The following HIVEP3 variants were observed in gnomAD, a reference collection of about 807,000 sequenced individuals.
HIVEP3 encodes transcription factor HIVEP3.
In HIVEP3, 49 loss-of-function variants were observed where a neutral mutation model predicts 152.8. That is an observed-to-expected ratio of 0.32 (90% CI 0.26 to 0.41). The LOEUF (loss-of-function observed/expected upper bound fraction) is 0.41. Ranked by LOEUF, HIVEP3 falls within the 10% of genes least tolerant of loss-of-function variation. The pLI, the probability that HIVEP3 is intolerant of heterozygous loss-of-function variation, is 1.00. For missense variants in HIVEP3, 2,790 were observed against 3,103.3 expected (o/e 0.90, Z 2.40); for synonymous variants, 1,269 against 1,289.0 (o/e 0.98, Z 0.33).
intron 2 of HIVEP3, among the ~76,000 whole-genome samples, chr1:41,659,296 C>A (rs750498775): frequency 6.6e-6 from 1 of 152,204 alleles, no homozygotes; most frequent in African/African-American, 2.4e-5. Flanking sequence ...TGGGCCCCCA[C>A]GTGTAGCTTC....
intron 1 of HIVEP3, among the ~76,000 whole-genome samples, chr1:41,937,216 A>AAT (rs1292306797): frequency 6.6e-6 from 1 of 152,184 alleles, no homozygotes; most frequent in East Asian, 1.9e-4. Context: ...GGCCAAAAAT[A>AAT]ATAAATATAT....
At chr1:41,670,959 T>C (rs894889439) in intron 2 of HIVEP3, among the ~76,000 whole-genome samples, 4 of 152,248 alleles carry the variant, frequency 2.6e-5, no homozygotes, top group African/African-American at 9.6e-5. Context: ...AGGCAGATAA[T>C]AGGAGAGCCA....
chr1:41,767,205 C>T (rs1163481260), intron 1 of HIVEP3, among the ~76,000 whole-genome samples: 1 of 152,200 alleles, frequency 6.6e-6, no homozygotes, highest in African/African-American at 2.4e-5. Context: ...GGACTCCTCC[C>T]TCTGGGCCCC....
intron 1 of HIVEP3, among the ~76,000 whole-genome samples, chr1:41,713,421 A>G (rs1361797432): frequency 6.6e-6 from 1 of 152,218 alleles, no homozygotes. Context: ...AGTAGCTTTC[A>G]GCCACGAAAG....
intron 2 of HIVEP3, among the ~76,000 whole-genome samples, chr1:41,631,405 G>A (rs996200427): frequency 3.9e-5 from 6 of 152,170 alleles, no homozygotes; most frequent in Non-Finnish European, 5.9e-5. Context: ...CACGGCCCAC[G>A]TAACTGCTCT....
rs1442171172 is a variant in HIVEP3, at chr1:41,584,285, G to T, written c.513C>A (p.Val171=). 6.2e-7 allele frequency: 1 copy of T among 1,613,650 alleles called. No homozygotes were observed. The highest frequency in any genetic ancestry group is 8.5e-7 in the Non-Finnish European group (1 of 1,179,820). Residue 171 remains valine (V), a synonymous_variant, in exon 4 of 9, where the codon GTC becomes GTA. Transcript: ENST00000372583. The surrounding 1 kb of genome is among the most constrained non-coding windows in gnomAD (Gnocchi z 5.2). Reference sequence around the variant, plus strand: ...GTGCCTCTTCTGTGGGCTTCAAGGAGACCTGGGAAGGACGAGGCACGAAGA... The same window carrying T: ...GTGCCTCTTCTGTGGGCTTCAAGGATACCTGGGAAGGACGAGGCACGAAGA... ...PKVFVPRPSQ[V]SLKPTEEAHK...
intron 2 of HIVEP3, among the ~76,000 whole-genome samples, chr1:41,656,854 G>A (rs1645636209): frequency 1.3e-5 from 2 of 152,206 alleles, no homozygotes; most frequent in African/African-American, 4.8e-5. Context: ...GGAAGCCCTT[G>A]TTCTCCTGCC....
rs747267898 is a variant in HIVEP3, at chr1:41,582,718, G to C, written c.2080C>G (p.Pro694Ala). The change falls in exon 4 of 9, where the codon CCG becomes GCG. Residue 694 changes from proline to alanine, a missense_variant. Transcript: ENST00000372583. The surrounding 1 kb of genome is among the most constrained non-coding windows in gnomAD (Gnocchi z 4.7). ...EAEKSQIEHE[P>A]WSQMMHYKLG... ...TTGTAATGCATCATTTGGGACCACGGCTCATGCTCAATCTGACTCTTTTCA... is the reference window on the plus strand; with the variant it reads ...TTGTAATGCATCATTTGGGACCACGCCTCATGCTCAATCTGACTCTTTTCA... 13 of 1,614,062 alleles carry C rather than the reference G, an allele frequency of 8.1e-6. No homozygotes were observed. The highest frequency in any genetic ancestry group is 1.7e-5 in the Admixed American group (1 of 60,008).
chr1:41,902,392 C>T (rs538827456), intron 1 of HIVEP3, among the ~76,000 whole-genome samples: 2 of 152,154 alleles, frequency 1.3e-5, no homozygotes, highest in Non-Finnish European at 2.9e-5. Context: ...CCTCAGGCCA[C>T]ATCCCAGCCT....
chr1:41,631,696 C>T (rs1289240138), intron 2 of HIVEP3, among the ~76,000 whole-genome samples: 1 of 152,124 alleles, frequency 6.6e-6, no homozygotes, highest in African/African-American at 2.4e-5. Context: ...GAGAGGCTTG[C>T]TCTGTGGCTC....
At chr1:41,575,069 T>C (rs941972) in intron 5 of HIVEP3, among the ~76,000 whole-genome samples, 44,838 of 152,176 alleles carry the variant, frequency 0.29, 7,672 homozygotes, top group Non-Finnish European at 0.4. Context: ...ACCTGGTGCA[T>C]ACAGTGTGCA....
At chr1:41,822,650 G>T (rs1642640825) in intron 1 of HIVEP3, among the ~76,000 whole-genome samples, 1 of 152,192 alleles carries the variant, frequency 6.6e-6, no homozygotes, top group Admixed American at 6.5e-5. Flanking sequence ...TCCCAGTCCA[G>T]CTATACCATG....
intron 1 of HIVEP3, among the ~76,000 whole-genome samples, chr1:41,911,206 G>C (rs1644790961): frequency 6.6e-6 from 1 of 152,082 alleles, no homozygotes. Context: ...AAGGCTTAAA[G>C]AGGTACTTCA....
intron 1 of HIVEP3, among the ~76,000 whole-genome samples, chr1:41,730,627 C>T (rs1646825406): frequency 6.6e-6 from 1 of 152,252 alleles, no homozygotes; most frequent in African/African-American, 2.4e-5. Context: ...TCTATCTAAG[C>T]AGTTCTCTCA....
chr1:41,608,917 C>CAAAAA (rs35714997), intron 3 of HIVEP3, among the ~76,000 whole-genome samples: 1,310 of 123,494 alleles, frequency 0.011, 16 homozygotes, highest in Middle Eastern at 0.029. Flanking sequence ...CTAAAAATAC[C>CAAAAA]AAAAAAAAAA....
chr1:41,538,264 G>A (rs1267432051), intron 5 of HIVEP3, among the ~76,000 whole-genome samples: 1 of 152,270 alleles, frequency 6.6e-6, no homozygotes, highest in African/African-American at 2.4e-5. Context: ...CTGGAGGCCA[G>A]GAGAGGCTAT....
chr1:41,849,155 T>C (rs1398959678), intron 1 of HIVEP3: 1 of 152,138 alleles, frequency 6.6e-6, no homozygotes, highest in Non-Finnish European at 1.5e-5. Context: ...GGTCACCTCA[T>C]TCTAGTTCAC....
At chr1:42,033,543 T>C (rs1178792012) in intron 1 of HIVEP3, among the ~76,000 whole-genome samples, 1 of 116,808 alleles carries the variant, frequency 8.6e-6, no homozygotes, top group South Asian at 3.3e-4. Flanking sequence ...CTTATCTGCA[T>C]TGACTTATCT....
rs780755769 is a variant in HIVEP3 at position 41,510,566 on chromosome 1, G to C, written c.7106C>G (p.Thr2369Arg). ...CCTGGGTTCCCCGGAGAGGTTCCTC[G>C]TCCGGGCTGGGAAGCGGGCAGAGGC... ...AEASARFPAR[T>R]RNLSGEPRTR... Residue 2369 changes from threonine to arginine, a missense_variant, in exon 9 of 9, where the codon ACG (threonine) becomes AGG (arginine). Physicochemically the swap from Thr to Arg is moderately conservative, Grantham distance 71. Transcript: ENST00000372583. 3 of 1,565,374 alleles carry C rather than the reference G, an allele frequency of 1.9e-6. No homozygotes were observed. The African/African-American group carries it at 4.1e-5, about 21-fold the overall frequency.
Sources: gnomAD v4.1 joint callset for allele counts (sites outside exome capture counted in the v4.1 genomes callset) on GRCh38, gnomAD v4.1.1 for gene constraint, Gnocchi (gnomAD v3.1) non-coding constraint, MANE v1.5 for transcripts, NCBI Gene and HGNC (gene_info 2026-07-23, HGNC 2026-07-21) for gene names.